SGCD: variants seen among roughly 807,000 people sequenced by gnomAD.
The protein encoded by SGCD is sarcoglycan delta, also known as delta-sarcoglycan.
SGCD carries 18 observed loss-of-function variants against 36.6 expected under a neutral mutation model. The ratio of observed to expected loss-of-function variants is 0.49; its 90% CI spans 0.34 to 0.73. SGCD has a LOEUF of 0.73. Among genes scored for constraint, SGCD ranks in the 30% least tolerant of loss-of-function variants. The probability of loss-of-function intolerance (pLI) is 0.01; values close to 1 mark genes in which losing one functional copy is unlikely to be tolerated. For synonymous variants in SGCD, 133 were observed against 130.6 expected (o/e 1.02, Z -0.12); for missense variants, 387 against 346.7 (o/e 1.12, Z -0.92).
intron 3 of SGCD, among the ~76,000 whole-genome samples, chr5:156,252,293 T>G (rs887703490): frequency 6.6e-6 from 1 of 151,858 alleles, no homozygotes; most frequent in African/African-American, 2.4e-5. Context: ...GTCAGGGTGG[T>G]CTCGAACTTC....
chr5:156,475,581 AAGG>A (rs772977757), intron 3 of SGCD, among the ~76,000 whole-genome samples: 5 of 152,184 alleles, frequency 3.3e-5, no homozygotes, highest in Non-Finnish European at 7.3e-5. Flanking sequence ...AAAAGATAGG[AAGG>A]AGGAGACAAG....
intron 2 of SGCD, among the ~76,000 whole-genome samples, chr5:156,332,208 G>A (rs1561624824): frequency 1.3e-5 from 2 of 152,328 alleles, no homozygotes; most frequent in South Asian, 2.1e-4. Context: ...CAAACAGCAG[G>A]TCATAAACCG....
the SGCD span, among the ~76,000 whole-genome samples, chr5:155,730,476 G>GTGTGTGTGTGTGTGA: frequency 3.1e-4 from 7 of 22,460 alleles, no homozygotes; most frequent in African/African-American, 9.7e-4. Context: ...TGTGTGTGTG[G>GTGTGTGTGTGTGTGA]CGAGGGGAAA....
chr5:156,761,974 T>TA lies in SGCD; in HGVS notation c.*2585dup, dbSNP rs1378391776. 6.6e-6 allele frequency: 1 copy of TA among 152,546 alleles called. No individual in the cohort carries two copies. The highest frequency in any genetic ancestry group is 1.5e-5 in the Non-Finnish European group (1 of 68,026). 9.4% of individuals were successfully genotyped at this position (152,546 alleles called of 1,614,324 possible). A position where few individuals can be genotyped will look rare whatever the true frequency, so the allele number is the denominator to read the frequency against. On this transcript the variant is annotated 3_prime_UTR_variant, in exon 9 of 9. Coordinates refer to ENST00000337851, the MANE Select transcript of SGCD (RefSeq NM_000337.6). ...GCAGGAAATTTGATATGGGTTAAAT[T>TA]ATGCATTTTGTTCAGATTTTGGAAA...
At chr5:155,761,581 TCCTCTCCATCATCTCCATCAC>T in the SGCD span, among the ~76,000 whole-genome samples, 2 of 137,416 alleles carry the variant, frequency 1.5e-5, no homozygotes, top group South Asian at 2.5e-4. Flanking sequence ...TTCTCCGTCA[TCCTCTCCATCATCTCCATCAC>T]CCTCTCCATC....
At chr5:156,410,603 G>A (rs1205455281) in intron 3 of SGCD, among the ~76,000 whole-genome samples, 24 of 152,118 alleles carry the variant, frequency 1.6e-4, no homozygotes, top group Admixed American at 1.6e-3. Flanking sequence ...ACCTAGCATA[G>A]TGCCTGCTAC....
At chr5:156,353,777 A>C (rs1350975768) in intron 3 of SGCD, among the ~76,000 whole-genome samples, 1 of 152,212 alleles carries the variant, frequency 6.6e-6, no homozygotes, top group African/African-American at 2.4e-5. Flanking sequence ...AAGCACCATA[A>C]AAATTGTAAT....
intron 3 of SGCD, among the ~76,000 whole-genome samples, chr5:156,362,383 C>G (rs534334350): frequency 1.3e-5 from 2 of 152,318 alleles, no homozygotes; most frequent in Non-Finnish European, 2.9e-5. Flanking sequence ...CGTGGTGGCT[C>G]ATGCCTGTAA....
chr5:155,984,583 C>T (rs141500069), intron 1 of SGCD, among the ~76,000 whole-genome samples: 3 of 152,320 alleles, frequency 2.0e-5, no homozygotes, highest in African/African-American at 7.2e-5. Flanking sequence ...GTAGCTTTTG[C>T]TGGTGTCTTC....
At chr5:155,993,219 T>C (rs1288047865) in intron 1 of SGCD, among the ~76,000 whole-genome samples, 2 of 152,166 alleles carry the variant, frequency 1.3e-5, no homozygotes, top group African/African-American at 4.8e-5. Flanking sequence ...CCCGTCCCCC[T>C]GCATTGTGTG....
chr5:156,678,686 G>A (rs536252018), intron 7 of SGCD, among the ~76,000 whole-genome samples: 35 of 152,276 alleles, frequency 2.3e-4, no homozygotes, highest in Non-Finnish European at 1.5e-4. Context: ...ATAACAAAGA[G>A]GAAATTATAG....
At chr5:155,738,528 G>A in the SGCD span, among the ~76,000 whole-genome samples, 1 of 152,166 alleles carries the variant, frequency 6.6e-6, no homozygotes, top group Non-Finnish European at 1.5e-5. Context: ...TTTCTGAGCT[G>A]CATAATGTAC....
chr5:156,757,468 A>T, intron 7 of SGCD, 113 bp from the exon 8 acceptor site: 2 of 704,032 alleles, frequency 2.8e-6, no homozygotes, highest in Non-Finnish European at 2.3e-6. Flanking sequence ...AACTTTAAAA[A>T]ATTCTCTGAT....
chr5:156,416,402 G>A (rs1910781), intron 3 of SGCD, among the ~76,000 whole-genome samples: 109,093 of 152,072 alleles, frequency 0.72, 40,379 homozygotes, highest in African/African-American at 0.91. Flanking sequence ...AAGACTACAC[G>A]TTGGGTACAG....
rs71577199 is a variant in SGCD at position 156,508,502 on chromosome 5, TA to T, written c.193-87del. ...GTCCTCATTCCACACCTTCAAAAAT[TA>T]AAAAAAAAAAAGGCTATAACTACGT... On this transcript the variant is annotated intron_variant, in intron 3 of 8. Transcript: ENST00000337851. 0.32 allele frequency: 173,385 copies of T among 539,824 alleles called. 5,664 individuals carry two copies. The highest frequency in any genetic ancestry group is 0.37 in the East Asian group (10,118 of 27,390). The allele number at this position is 539,824 out of a possible 1,614,324, so 33.4% of individuals were successfully genotyped here.
chr5:155,821,392 C>A, the SGCD span, among the ~76,000 whole-genome samples: 1 of 152,106 alleles, frequency 6.6e-6, no homozygotes, highest in Non-Finnish European at 1.5e-5. Context: ...CCGCTCACTG[C>A]AAACTCTGCC....
chr5:156,710,412 A>C (rs1219162612), intron 7 of SGCD, among the ~76,000 whole-genome samples: 1 of 152,228 alleles, frequency 6.6e-6, no homozygotes, highest in Non-Finnish European at 1.5e-5. Flanking sequence ...TGCTATGAAA[A>C]AGCCAAACTC....
chr5:156,198,924 G>A (rs1764082174), intron 3 of SGCD, among the ~76,000 whole-genome samples: 1 of 151,874 alleles, frequency 6.6e-6, no homozygotes, highest in Non-Finnish European at 1.5e-5. Flanking sequence ...TCAAACTCAT[G>A]GGCTAAAGTG....
At chr5:156,673,047 A>G (rs1003522293) in intron 7 of SGCD, among the ~76,000 whole-genome samples, 1 of 152,154 alleles carries the variant, frequency 6.6e-6, no homozygotes, top group African/African-American at 2.4e-5. Context: ...TTTTGGATTC[A>G]TTGACTGAAA....
Sources: allele counts gnomAD v4.1 joint callset (sites outside exome capture counted in the v4.1 genomes callset), GRCh38; gene constraint gnomAD v4.1.1; transcripts MANE v1.5; gene names NCBI Gene and HGNC (gene_info 2026-07-23, HGNC 2026-07-21).